The following PPIG variants were observed in gnomAD, a reference collection of about 807,000 sequenced individuals.
The protein encoded by PPIG is peptidyl-prolyl cis-trans isomerase G.
PPIG carries 26 observed loss-of-function variants against 87.9 expected under a neutral mutation model. That is an observed-to-expected ratio of 0.30 (90% confidence interval 0.22 to 0.41). The LOEUF (loss-of-function observed/expected upper bound fraction) is 0.41, where lower values mean the gene tolerates loss of function less well. Among genes scored for constraint, PPIG ranks in the 10% least tolerant of loss-of-function variants. PPIG has a pLI of 1.00. For synonymous variants in PPIG, 308 were observed against 276.5 expected (o/e 1.11, Z -1.13); for missense variants, 722 against 879.4 (o/e 0.82, Z 2.26).
At chr2:169,627,895 G>A (rs894635805) in intron 9 of PPIG, among the ~76,000 whole-genome samples, 1 of 151,916 alleles carries the variant, frequency 6.6e-6, no homozygotes, top group Non-Finnish European at 1.5e-5. Context: ...ATGTTTAAGT[G>A]TAGTATTTTT....
intron 9 of PPIG, among the ~76,000 whole-genome samples, chr2:169,625,743 G>A (rs890557004): frequency 1.3e-5 from 2 of 150,574 alleles, no homozygotes. Flanking sequence ...TTTTTTTAAG[G>A]TTAGGTCTAC....
At chr2:169,617,319 C>T (rs1323573150) in intron 9 of PPIG, among the ~76,000 whole-genome samples, 1 of 152,032 alleles carries the variant, frequency 6.6e-6, no homozygotes, top group Non-Finnish European at 1.5e-5. Flanking sequence ...GTTCCTTTTC[C>T]TTAGGATTGT....
At chr2:169,634,484 AT>A (rs1436958257) in intron 12 of PPIG, among the ~76,000 whole-genome samples, 2 of 152,056 alleles carry the variant, frequency 1.3e-5, no homozygotes, top group Non-Finnish European at 2.9e-5. Flanking sequence ...TTTTATCGGC[AT>A]TTTTCAGCTC....
chr2:169,605,029 C>G (rs184459645), intron 4 of PPIG, among the ~76,000 whole-genome samples: 1 of 151,964 alleles, frequency 6.6e-6, no homozygotes, highest in East Asian at 2.0e-4. Flanking sequence ...GAAACCCCAT[C>G]TCTACTAAAA....
At chr2:169,588,187 A>G (rs531054797) in intron 1 of PPIG, among the ~76,000 whole-genome samples, 13 of 152,128 alleles carry the variant, frequency 8.5e-5, no homozygotes, top group Non-Finnish European at 1.9e-4. Flanking sequence ...TAAAAATAAA[A>G]ATATGAATGA....
At chr2:169,633,679 A>G (rs1558902424) in intron 12 of PPIG, 1 of 185,044 alleles carries the variant, frequency 5.4e-6, no homozygotes, top group East Asian at 1.5e-4. Context: ...TTCACTTCCT[A>G]CTTATTCCTC....
At chr2:169,593,609 G>GT (rs1389719603) in intron 1 of PPIG, among the ~76,000 whole-genome samples, 5 of 148,230 alleles carry the variant, frequency 3.4e-5, no homozygotes, top group Non-Finnish European at 7.5e-5. Flanking sequence ...GTCGGGAGTA[G>GT]TTTACACAAT....
intron 12 of PPIG, chr2:169,633,633 T>G (rs954460994): frequency 1.3e-5 from 3 of 239,626 alleles, no homozygotes; most frequent in African/African-American, 6.8e-5. Context: ...TTTCAAAACT[T>G]TATAGAAACT....
chr2:169,629,056 A>G (rs189025629), intron 9 of PPIG, among the ~76,000 whole-genome samples: 1 of 152,158 alleles, frequency 6.6e-6, no homozygotes, highest in Admixed American at 6.5e-5. Flanking sequence ...TCAGCTGTTA[A>G]CCCTTTCAAC....
chr2:169,632,402 A>C (rs1042539961), intron 11 of PPIG, among the ~76,000 whole-genome samples: 12 of 152,188 alleles, frequency 7.9e-5, no homozygotes, highest in African/African-American at 2.9e-4. Flanking sequence ...ATAAATCTAC[A>C]TTATTAATAT....
chr2:169,594,336 A>AAC (rs1208555531), intron 1 of PPIG, among the ~76,000 whole-genome samples: 3 of 151,480 alleles, frequency 2.0e-5, no homozygotes, highest in Non-Finnish European at 2.9e-5. Context: ...AAAAAAAAAA[A>AAC]ACGCATTTTA....
chr2:169,593,003 T>C (rs1339162273), intron 1 of PPIG, among the ~76,000 whole-genome samples: 2 of 152,156 alleles, frequency 1.3e-5, no homozygotes, highest in Non-Finnish European at 2.9e-5. Flanking sequence ...GAGGCATATG[T>C]GATTTGTCAT....
At chr2:169,635,989 C>T (rs1052052787) in intron 12 of PPIG, 103 bp from the exon 13 acceptor site, 2 of 679,018 alleles carry the variant, frequency 2.9e-6, no homozygotes, top group Admixed American at 3.3e-5. Flanking sequence ...GTACCCCTTA[C>T]TACCTCCTGA....
chr2:169,604,961 G>T (rs1213091938), intron 4 of PPIG, among the ~76,000 whole-genome samples: 5 of 152,074 alleles, frequency 3.3e-5, no homozygotes, highest in South Asian at 2.1e-4. Context: ...ACTTTGGGGG[G>T]CCGAGGTGGG....
intron 10 of PPIG, among the ~76,000 whole-genome samples, chr2:169,631,188 T>G (rs1205798920): frequency 1.3e-5 from 2 of 152,160 alleles, no homozygotes; most frequent in Admixed American, 1.3e-4. Context: ...ATCAGTTCAT[T>G]TTTTTGTGTA....
intron 12 of PPIG, 170 bp downstream of exon 12, chr2:169,633,417 T>C: frequency 1.6e-6 from 1 of 643,036 alleles, no homozygotes; most frequent in Non-Finnish European, 2.7e-6. Context: ...ATGTTGGTAC[T>C]TCCCAACAGA....
chr2:169,589,382 C>G lies in PPIG; in HGVS notation c.-70+4892C>G, dbSNP rs192924173. On this transcript the variant is annotated intron_variant, in intron 1 of 13. Coordinates refer to ENST00000260970, the MANE Select transcript of PPIG (RefSeq NM_004792.3). ...GCAACTTGGCATTTGTAAATATACTCAAATGTTTTTGATGCGGTGCATTTT... is the reference window on the plus strand; with the variant it reads ...GCAACTTGGCATTTGTAAATATACTGAAATGTTTTTGATGCGGTGCATTTT... 8.8e-4 allele frequency among the ~76,000 whole-genome samples: 134 copies of G among 152,230 alleles called. 2 individuals are homozygous for G. The highest frequency in any genetic ancestry group is 3.0e-3 in the African/African-American group (126 of 41,548).
chr2:169,622,061 A>G (rs569920792), intron 9 of PPIG, among the ~76,000 whole-genome samples: 150 of 152,272 alleles, frequency 9.9e-4, no homozygotes, highest in Non-Finnish European at 1.7e-3. Flanking sequence ...CCATCTCTAA[A>G]AAATATATAA....
chr2:169,629,366 T>C (rs1478528423), intron 9 of PPIG, among the ~76,000 whole-genome samples: 4 of 152,222 alleles, frequency 2.6e-5, no homozygotes, highest in Non-Finnish European at 5.9e-5. Context: ...TACACATTCC[T>C]AAATACTAAA....
Sources: gnomAD v4.1 joint callset for allele counts (sites outside exome capture counted in the v4.1 genomes callset) on GRCh38, gnomAD v4.1.1 for gene constraint, MANE v1.5 for transcripts, NCBI Gene and HGNC (gene_info 2026-07-23, HGNC 2026-07-21) for gene names.